Variants in MREG observed in about 807,000 individuals in gnomAD.
The protein encoded by MREG is dilute suppressor protein homolog.
In MREG, 31 loss-of-function variants were observed where a neutral mutation model predicts 28.5. The ratio of observed to expected loss-of-function variants is 1.09; its 90% CI spans 0.82 to 1.47. The LOEUF is 1.47. Among genes scored for constraint, MREG ranks in the 40% most tolerant of loss-of-function variants. MREG has a pLI of 0.00. For missense variants in MREG, 256 were observed against 257.4 expected (o/e 0.99, Z 0.04); for synonymous variants, 106 against 95.2 (o/e 1.11, Z -0.66).
intron 2 of MREG, among the ~76,000 whole-genome samples, chr2:215,947,529 C>T (rs975913992): frequency 1.3e-4 from 20 of 152,130 alleles, no homozygotes; most frequent in African/African-American, 4.6e-4. Context: ...TTTATAGATA[C>T]AGTAACTGAG....
At chr2:215,985,191 T>A (rs1693535198) in intron 2 of MREG, among the ~76,000 whole-genome samples, 1 of 152,258 alleles carries the variant, frequency 6.6e-6, no homozygotes, top group African/African-American at 2.4e-5. Flanking sequence ...TCTTAGAGAA[T>A]AAGTTCACTC....
chr2:215,996,011 T>C (rs1693863109), intron 2 of MREG, among the ~76,000 whole-genome samples: 1 of 152,240 alleles, frequency 6.6e-6, no homozygotes, highest in Non-Finnish European at 1.5e-5. Context: ...GATGGACGGT[T>C]TAAGCCATTT....
chr2:215,973,867 A>C (rs1693171825), intron 2 of MREG, among the ~76,000 whole-genome samples: 1 of 152,196 alleles, frequency 6.6e-6, no homozygotes, highest in South Asian at 2.1e-4. Flanking sequence ...TAGTTGAAAA[A>C]TGCAACTCCA....
intron 2 of MREG, among the ~76,000 whole-genome samples, chr2:215,994,690 C>CA (rs1223717670): frequency 8.7e-5 from 13 of 149,762 alleles, no homozygotes; most frequent in African/African-American, 2.3e-4. Flanking sequence ...AGGACCAGCA[C>CA]AAAAAAGACA....
At chr2:215,994,687 G>C (rs1039176349) in intron 2 of MREG, among the ~76,000 whole-genome samples, 1 of 149,678 alleles carries the variant, frequency 6.7e-6, no homozygotes, top group African/African-American at 2.5e-5. Context: ...CCAAGGACCA[G>C]CACAAAAAAG....
Position 215,983,169 on chromosome 2 carries a change from G to A in MREG, c.255+13137C>T, listed in dbSNP as rs144073435. Among the ~76,000 whole-genome samples the A allele has an allele frequency of 5.8e-3, 879 of 152,286 alleles. 7 individuals carry two copies. Among genetic ancestry groups the A allele is most frequent in the African/African-American group, 0.02 (817 of 41,560 alleles). On this transcript the variant is annotated intron_variant, in intron 2 of 4. Transcript: ENST00000263268. Reference sequence around the variant, plus strand: ...CCTTTTCCAGTTATTTTGCTCCTCCGTGGTTGGGGTAAAACTTGCAGTCCT... The same window carrying A: ...CCTTTTCCAGTTATTTTGCTCCTCCATGGTTGGGGTAAAACTTGCAGTCCT...
intron 1 of MREG, among the ~76,000 whole-genome samples, chr2:215,997,308 C>G (rs1693899563): frequency 6.6e-6 from 1 of 152,148 alleles, no homozygotes; most frequent in Admixed American, 6.5e-5. Context: ...CCATTCTGTA[C>G]ATTTGTTTTA....
chr2:216,014,925 G>C (rs1376027848), upstream of MREG, among the ~76,000 whole-genome samples: 1 of 152,174 alleles, frequency 6.6e-6, no homozygotes, highest in Non-Finnish European at 1.5e-5. Context: ...GTTATGTGCT[G>C]GGTATTTTCT....
chr2:216,004,434 T>A (rs183104997), intron 1 of MREG, among the ~76,000 whole-genome samples: 1 of 151,800 alleles, frequency 6.6e-6, no homozygotes, highest in Non-Finnish European at 1.5e-5. Flanking sequence ...CTCAAGTACT[T>A]AAAACAGTGC....
intron 1 of MREG, among the ~76,000 whole-genome samples, chr2:216,028,429 G>A (rs375495385): frequency 6.6e-6 from 1 of 151,210 alleles, no homozygotes; most frequent in African/African-American, 2.4e-5. Flanking sequence ...TCGGGAGGCG[G>A]AGGCAGGAGA....
chr2:215,997,371 G>A (rs1693900907), intron 1 of MREG, among the ~76,000 whole-genome samples: 3 of 152,186 alleles, frequency 2.0e-5, no homozygotes, highest in African/African-American at 7.2e-5. Flanking sequence ...GAGAAGATTA[G>A]TGACAGAGCA....
intron 2 of MREG, among the ~76,000 whole-genome samples, chr2:215,974,829 C>CACACAG (rs1230381575): frequency 2.1e-5 from 2 of 94,196 alleles, no homozygotes; most frequent in African/African-American, 7.0e-5. Flanking sequence ...CACACAGACA[C>CACACAG]ACACACACAC....
At position 215,944,894 on chromosome 2, in the gene MREG, T is replaced by C; in HGVS notation, c.614A>G (p.Glu205Gly). The change falls in exon 5 of 5, where the codon GAA becomes GGA. Residue 205 changes from glutamate (E) to glycine (G), a missense_variant. Transcript: ENST00000263268. ...ACTTGGAAACGGAAGGTAGTGCAGT[T>C]CTTTCTGGCCATCTGCCAGGCATGG... ...GVPCLADGQK[E>G]LHYLPFPSP The C allele has an allele frequency of 1.9e-6, 3 of 1,606,160 alleles. No individual in the cohort carries two copies. Among genetic ancestry groups the C allele is most frequent in the Non-Finnish European group, 2.6e-6 (3 of 1,173,588 alleles).
intron 2 of MREG, among the ~76,000 whole-genome samples, chr2:215,953,586 A>G (rs1211002769): frequency 6.6e-6 from 1 of 152,218 alleles, no homozygotes; most frequent in Non-Finnish European, 1.5e-5. Flanking sequence ...CAAAATCTGG[A>G]AATGCTCTCA....
intron 2 of MREG, among the ~76,000 whole-genome samples, chr2:215,953,131 A>T (rs1356512580): frequency 2.0e-5 from 3 of 152,252 alleles, no homozygotes; most frequent in Non-Finnish European, 4.4e-5. Flanking sequence ...GGAAGAAACA[A>T]AGGGCATGAA....
chr2:216,027,939 TAA>T (rs1694620849), intron 1 of MREG, among the ~76,000 whole-genome samples: 1 of 152,192 alleles, frequency 6.6e-6, no homozygotes. Flanking sequence ...AAAATACACT[TAA>T]AGTCAATTAT....
At chr2:215,957,643 T>G (rs1223405511) in intron 2 of MREG, among the ~76,000 whole-genome samples, 2 of 152,118 alleles carry the variant, frequency 1.3e-5, no homozygotes, top group Non-Finnish European at 2.9e-5. Flanking sequence ...GATACTTTTC[T>G]GAAAGGAGGT....
intron 1 of MREG, among the ~76,000 whole-genome samples, chr2:216,001,917 G>T (rs535471545): frequency 1.7e-4 from 26 of 152,286 alleles, no homozygotes; most frequent in African/African-American, 5.8e-4. Flanking sequence ...ACCACGAAGG[G>T]CTCTGGGGCC....
rs150719296 is a variant in MREG at position 215,994,490 on chromosome 2, C to T, written c.255+1816G>A. ...GACAGGTTGATGGGTGAGCAAACCA[C>T]CATGGCACGTGTATACCTATGTAAC... is the stretch of plus-strand genomic sequence containing the variant. On this transcript the variant is annotated intron_variant, in intron 2 of 4. Transcript: ENST00000263268. 1.1e-3 allele frequency among the ~76,000 whole-genome samples: 163 copies of T among 151,658 alleles called. 2 individuals carry two copies. The Middle Eastern group carries it at 0.024, about 22-fold the overall frequency.
Sources: gnomAD v4.1 joint callset for allele counts (sites outside exome capture counted in the v4.1 genomes callset) on GRCh38, gnomAD v4.1.1 for gene constraint, MANE v1.5 for transcripts, NCBI Gene and HGNC (gene_info 2026-07-23, HGNC 2026-07-21) for gene names.